Variants in PALM observed in about 807,000 individuals in gnomAD.
PALM encodes the protein paralemmin-1.
A neutral mutation model predicts 30.7 loss-of-function variants in PALM; 18 were observed. That is an observed-to-expected ratio of 0.59 (90% CI 0.41 to 0.87). PALM has a LOEUF of 0.87. Among genes scored for constraint, PALM ranks in the 40% least tolerant of loss-of-function variants. PALM has a pLI of 0.00. For missense variants in PALM, 529 were observed against 555.4 expected, an observed-to-expected ratio of 0.95 and a Z score of 0.48; for synonymous variants, 286 against 242.8, an observed-to-expected ratio of 1.18 and a Z score of -1.66.
Position 731,114 on chromosome 19 carries a change from G to C in PALM, c.289G>C (p.Val97Leu), listed in dbSNP as rs763282730. 6.3e-7 allele frequency: 1 copy of C among 1,599,194 alleles called. No homozygotes were observed. The highest frequency in any genetic ancestry group is 1.3e-5 in the African/African-American group (1 of 74,510). Residue 97 changes from valine to leucine, a missense_variant, in exon 5 of 9, where the codon GTG (valine) becomes CTG (leucine). Coordinates refer to ENST00000338448, the MANE Select transcript of PALM (RefSeq NM_002579.3). ...CCCCAGGTTGGAGAAGGAAATTGAG[G>C]TGCTGGAGCGTGGAGACTCCGCCCC... ...SVSRLEKEIEVLERGDSAPAT... is the reference protein window; with the variant it reads ...SVSRLEKEIELLERGDSAPAT...
chr19:732,688 T>G (rs2032910549), intron 5 of PALM, among the ~76,000 whole-genome samples: 1 of 151,730 alleles, frequency 6.6e-6, no homozygotes, highest in African/African-American at 2.4e-5. Context: ...AGCAAGATTC[T>G]TTCTAAAAAA....
At chr19:741,153 T>C (rs938099039) in intron 8 of PALM, among the ~76,000 whole-genome samples, 86 of 151,686 alleles carry the variant, frequency 5.7e-4, no homozygotes, top group African/African-American at 1.8e-3. Flanking sequence ...GAATAAAAAA[T>C]AATAATAAAG....
In PALM at chr19:746,826, A is replaced by G; in HGVS notation, c.*12A>G. 6.9e-7 allele frequency: 1 copy of G among 1,457,818 alleles called. No individual in the cohort carries two copies. 90.3% of individuals were successfully genotyped at this position (1,457,818 alleles called of 1,614,324 possible). On this transcript the variant is annotated 3_prime_UTR_variant, in exon 9 of 9. Transcript: ENST00000338448. This position sits in a 1 kb window ranked among gnomAD's most constrained non-coding sequence, Gnocchi z 7.1. ...GCTCCATCATGTGAGCCGGCCCCCG[A>G]GACCCCGGCCCCCACCCCACACCAC...
chr19:712,771 G>A (rs2032125618), intron 1 of PALM, among the ~76,000 whole-genome samples: 1 of 151,422 alleles, frequency 6.6e-6, no homozygotes, highest in African/African-American at 2.4e-5. Flanking sequence ...TGCCTCCTGG[G>A]TTCAAGCGAT....
chr19:720,277 C>T (rs1397223531), intron 1 of PALM, among the ~76,000 whole-genome samples: 1 of 151,812 alleles, frequency 6.6e-6, no homozygotes, highest in Non-Finnish European at 1.5e-5. Context: ...CTCCCGCGGG[C>T]CCCTCCATCC....
rs181115378 is a variant in PALM, at chr19:711,022, C to T, written c.5+1871C>T. Among the ~76,000 whole-genome samples the T allele has an allele frequency of 4.6e-4, 70 of 152,336 alleles. 1 individual carries two copies. In the East Asian group the frequency reaches 7.9e-3, roughly 17 times the overall value. On this transcript the variant is annotated intron_variant, in intron 1 of 8. Coordinates refer to ENST00000338448, the MANE Select transcript of PALM (RefSeq NM_002579.3). Reference sequence around the variant, plus strand: ...CTCCCGTTTCCACAGATTTTCCAGTCGAAGACACGGGAGCTGGCTGTGGTT... The same window carrying T: ...CTCCCGTTTCCACAGATTTTCCAGTTGAAGACACGGGAGCTGGCTGTGGTT...
In PALM at chr19:709,603, GC is replaced by G. The variant is rs1251119754; in HGVS notation, c.5+455del. ...CCAGTCTGAGCGCACGGCTCCTGGC[GC>G]CCTGGACGCGCGCGCGGGCCGGTGC... On this transcript the variant is annotated intron_variant, in intron 1 of 8. Transcript: ENST00000338448. This position sits in a 1 kb window ranked among gnomAD's most constrained non-coding sequence, Gnocchi z 4.3. Among the ~76,000 whole-genome samples the G allele has an allele frequency of 6.6e-6, 1 of 151,506 alleles. No individual in the cohort carries two copies. Among genetic ancestry groups the G allele is most frequent in the African/African-American group, 2.4e-5 (1 of 41,274 alleles).
chr19:744,868 T>C (rs2033292146), intron 8 of PALM, among the ~76,000 whole-genome samples: 1 of 138,836 alleles, frequency 7.2e-6, no homozygotes, highest in African/African-American at 2.7e-5. Flanking sequence ...CACTCCACCC[T>C]GGGCGACAGA....
chr19:745,685 A>AC (rs2033317481), intron 8 of PALM, among the ~76,000 whole-genome samples: 1 of 61,392 alleles, frequency 1.6e-5, no homozygotes. Flanking sequence ...GCTCCATCTC[A>AC]GAAAAAAAAA....
Position 710,187 on chromosome 19 carries a change from C to T in PALM, c.5+1036C>T, listed in dbSNP as rs539542508. ...GTGGCCCCCTGCCCTTCCCACTGGG[C>T]GTGTTTTCTAAGCCGCCAACTTTCC... On this transcript the variant is annotated intron_variant, in intron 1 of 8. Transcript: ENST00000338448. Among the ~76,000 whole-genome samples the T allele has an allele frequency of 2.6e-5, 4 of 152,308 alleles. No homozygotes were observed. In the South Asian group the frequency reaches 8.3e-4, roughly 32 times the overall value.
At chr19:713,051 G>A (rs1045279313) in intron 1 of PALM, among the ~76,000 whole-genome samples, 2 of 152,148 alleles carry the variant, frequency 1.3e-5, no homozygotes, top group African/African-American at 4.8e-5. Context: ...CACATGTAAG[G>A]ACACACAGCT....
chr19:734,846 C>T (rs998215185), intron 6 of PALM: 1 of 159,460 alleles, frequency 6.3e-6, no homozygotes, highest in Non-Finnish European at 1.4e-5. Context: ...CTGCATTTCA[C>T]GGAACGTGTC....
At chr19:715,870 C>T (rs2032238526) in intron 1 of PALM, among the ~76,000 whole-genome samples, 1 of 152,146 alleles carries the variant, frequency 6.6e-6, no homozygotes, top group Non-Finnish European at 1.5e-5. Flanking sequence ...GTGATGCCCA[C>T]AGGGACGGGG....
At chr19:740,228 T>A (rs956032919) in intron 7 of PALM, 124 bp from the exon 8 acceptor site, 3 of 950,024 alleles carry the variant, frequency 3.2e-6, no homozygotes, top group Non-Finnish European at 4.6e-6. Context: ...CATCCCCGGC[T>A]CCGCCTGCCC....
intron 7 of PALM, among the ~76,000 whole-genome samples, chr19:739,464 G>C (rs889020187): frequency 1.6e-4 from 24 of 152,150 alleles, no homozygotes; most frequent in Non-Finnish European, 3.4e-4. Context: ...AGGATTGCTT[G>C]AGCCCAGGAG....
intron 1 of PALM, among the ~76,000 whole-genome samples, chr19:716,595 C>G (rs1418002194): frequency 6.6e-6 from 1 of 152,026 alleles, no homozygotes; most frequent in Non-Finnish European, 1.5e-5. Context: ...GGGACAGAGG[C>G]CCAGGGTTCT....
chr19:727,119 G>T, intron 3 of PALM, 31 bp downstream of exon 3: 2 of 1,438,364 alleles, frequency 1.4e-6, no homozygotes, highest in Non-Finnish European at 9.6e-7. Flanking sequence ...CAGGGTCAGG[G>T]AGTGCAGGCG....
intron 1 of PALM, among the ~76,000 whole-genome samples, chr19:715,480 A>G (rs1186168868): frequency 1.3e-5 from 2 of 152,212 alleles, no homozygotes. Context: ...CCAGTCCATC[A>G]TGAACCTTTT....
At chr19:734,905 C>A in intron 6 of PALM, 1 of 204,824 alleles carries the variant, frequency 4.9e-6, no homozygotes, top group Non-Finnish European at 8.6e-6. Context: ...TTGACGCTGG[C>A]GTCTGAAGTG....
Sources: allele counts gnomAD v4.1 joint callset (sites outside exome capture counted in the v4.1 genomes callset), GRCh38; gene constraint gnomAD v4.1.1; non-coding constraint Gnocchi (gnomAD v3.1); transcripts MANE v1.5; gene names NCBI Gene and HGNC (gene_info 2026-07-23, HGNC 2026-07-21).